The following KIRREL3 variants were observed in gnomAD, a reference collection of about 807,000 sequenced individuals.
KIRREL3 encodes the protein kin of IRRE-like protein 3.
A neutral mutation model predicts 89.7 loss-of-function variants in KIRREL3; 36 were observed. The ratio of observed to expected loss-of-function variants is 0.40; its 90% CI spans 0.31 to 0.53. KIRREL3 has a LOEUF of 0.53. Among genes scored for constraint, KIRREL3 ranks in the 20% least tolerant of loss-of-function variants. KIRREL3 has a pLI of 0.49. For synonymous variants in KIRREL3, 445 were observed against 441.4 expected (o/e 1.01, Z -0.10); for missense variants, 864 against 1,056.6 (o/e 0.82, Z 2.53).
Position 126,521,239 on chromosome 11 carries a change from C to T in KIRREL3, c.433+76G>A, listed in dbSNP as rs185193194. 5.5e-4 allele frequency: 784 copies of T among 1,423,370 alleles called. 3 individuals are homozygous for T. The African/African-American group carries it at 0.01, about 19-fold the overall frequency. The allele number at this position is 1,423,370 out of a possible 1,614,324, so 88.2% of individuals were successfully genotyped here. Reference sequence around the variant, plus strand: ...AGAGGGGAGTCTCCCCATGTCTGACCAAAAAAATACCCTCTTGGAGCTGAG... The same window carrying T: ...AGAGGGGAGTCTCCCCATGTCTGACTAAAAAAATACCCTCTTGGAGCTGAG... On this transcript the variant is annotated intron_variant, in intron 4 of 16. Transcript: ENST00000525144. This position sits in a 1 kb window ranked among gnomAD's most constrained non-coding sequence, Gnocchi z 4.1.
intron 1 of KIRREL3, among the ~76,000 whole-genome samples, chr11:126,781,847 T>C (rs935163142): frequency 3.9e-5 from 6 of 152,188 alleles, no homozygotes; most frequent in Admixed American, 3.9e-4. Context: ...ACCTTATTCA[T>C]TGGTAGAAAT....
Position 126,752,298 on chromosome 11 carries a change from C to A in KIRREL3, c.56-189386G>T, listed in dbSNP as rs1442649848. Reference sequence around the variant, plus strand: ...TGGGTTTTGAAACTATCATTAGGAACTTCCTCACTTTTGGATTTTGCAGAT... The same window carrying A: ...TGGGTTTTGAAACTATCATTAGGAAATTCCTCACTTTTGGATTTTGCAGAT... On this transcript the variant is annotated intron_variant, in intron 1 of 16. Transcript: ENST00000525144. The surrounding 1 kb of genome is among the most constrained non-coding windows in gnomAD (Gnocchi z 4.8). Among the ~76,000 whole-genome samples the A allele has an allele frequency of 6.6e-6, 1 of 152,138 alleles. No homozygotes were observed. The highest frequency in any genetic ancestry group is 1.9e-4 in the East Asian group (1 of 5,196).
rs1475223100 is a variant in KIRREL3 at position 126,612,027 on chromosome 11, T to C, written c.56-49115A>G. Among the ~76,000 whole-genome samples, 3 of 152,232 alleles carry C rather than the reference T, an allele frequency of 2.0e-5. No individual in the cohort carries two copies. Among genetic ancestry groups the C allele is most frequent in the Non-Finnish European group, 4.4e-5 (3 of 68,042 alleles). Reference sequence around the variant, plus strand: ...CAGTCAGCCCCTGTGCACTCTCATGTTACCTGTGCATCTCCTTCACAACTC... The same window carrying C: ...CAGTCAGCCCCTGTGCACTCTCATGCTACCTGTGCATCTCCTTCACAACTC... On this transcript the variant is annotated intron_variant, in intron 1 of 16. Coordinates refer to ENST00000525144, the MANE Select transcript of KIRREL3 (RefSeq NM_032531.4). This position sits in a 1 kb window ranked among gnomAD's most constrained non-coding sequence, Gnocchi z 4.5.
At chr11:126,478,786 T>G (rs1487776855) in intron 4 of KIRREL3, among the ~76,000 whole-genome samples, 1 of 152,136 alleles carries the variant, frequency 6.6e-6, no homozygotes, top group African/African-American at 2.4e-5. Flanking sequence ...TGTTTGTGTG[T>G]GTGCATGCAT....
chr11:126,654,791 ATTTTTT>A (rs137929793), intron 1 of KIRREL3, among the ~76,000 whole-genome samples: 6 of 151,706 alleles, frequency 4.0e-5, no homozygotes, highest in Admixed American at 3.9e-4. Flanking sequence ...TTCAACCATT[ATTTTTT>A]TTTATTTTTT....
rs1013511347 is a variant in KIRREL3, at chr11:126,989,433, G to A, written c.55+11022C>T. Among the ~76,000 whole-genome samples the A allele has an allele frequency of 6.6e-6, 1 of 152,096 alleles. No individual in the cohort carries two copies. The highest frequency in any genetic ancestry group is 1.5e-5 in the Non-Finnish European group (1 of 68,018). ...GAAGCTGCTGGGGTCTCAGCACACCGTATAGAAAATCCCTCCAGCAACTTC... is the reference window on the plus strand; with the variant it reads ...GAAGCTGCTGGGGTCTCAGCACACCATATAGAAAATCCCTCCAGCAACTTC... On this transcript the variant is annotated intron_variant, in intron 1 of 16. Transcript: ENST00000525144. The surrounding 1 kb of genome is among the most constrained non-coding windows in gnomAD (Gnocchi z 6.2).
chr11:126,596,582 G>A (rs1055039341), intron 1 of KIRREL3, among the ~76,000 whole-genome samples: 2 of 152,368 alleles, frequency 1.3e-5, no homozygotes, highest in African/African-American at 4.8e-5. Context: ...ACAGTGATCT[G>A]ATGTGGCTAG....
Position 126,854,410 on chromosome 11 carries a change from C to T in KIRREL3, c.55+146045G>A, listed in dbSNP as rs532799680. Among the ~76,000 whole-genome samples the T allele has an allele frequency of 1.0e-3, 154 of 152,244 alleles. 2 individuals are homozygous for T. Among genetic ancestry groups the T allele is most frequent in the African/African-American group, 3.4e-3 (141 of 41,546 alleles). The stretch of plus-strand genomic sequence containing the variant: ...CCCCATTACCTCCAGCCCCTGACAA[C>T]CACCTTCTACTTTGTCTCTATGAAT... On this transcript the variant is annotated intron_variant, in intron 1 of 16. Coordinates refer to ENST00000525144, the MANE Select transcript of KIRREL3 (RefSeq NM_032531.4).
chr11:126,584,867 C>A (rs558311480), intron 1 of KIRREL3, among the ~76,000 whole-genome samples: 3 of 152,274 alleles, frequency 2.0e-5, no homozygotes, highest in Admixed American at 1.3e-4. Context: ...ATCTGTAGAG[C>A]TCTCTGGAGT....
chr11:126,775,018 T>C (rs1469240968), intron 1 of KIRREL3, among the ~76,000 whole-genome samples: 3 of 152,056 alleles, frequency 2.0e-5, no homozygotes, highest in Non-Finnish European at 4.4e-5. Context: ...CTTAAGAAAA[T>C]AATAACAGAC....
intron 1 of KIRREL3, among the ~76,000 whole-genome samples, chr11:126,618,171 T>G (rs957546408): frequency 2.6e-5 from 4 of 152,206 alleles, no homozygotes; most frequent in Admixed American, 1.3e-4. Flanking sequence ...TCGCTTCTCC[T>G]ACAACTTCTG....
intron 1 of KIRREL3, among the ~76,000 whole-genome samples, chr11:126,923,211 T>TCC (rs1947490146): frequency 3.7e-4 from 6 of 16,262 alleles, no homozygotes; most frequent in African/African-American, 8.0e-4. Context: ...CTTCTTCTTC[T>TCC]TCTTCTTCTT....
In KIRREL3 at chr11:126,501,493, C is replaced by G. The variant is rs1957862353; in HGVS notation, c.433+19822G>C. The stretch of plus-strand genomic sequence containing the variant: ...ATTCTACCGCAGCCCGTCCTGGGTC[C>G]TGTTGATGTGCTACACATTGCAGGG... On this transcript the variant is annotated intron_variant, in intron 4 of 16. Coordinates refer to ENST00000525144, the MANE Select transcript of KIRREL3 (RefSeq NM_032531.4). The surrounding 1 kb of genome is among the most constrained non-coding windows in gnomAD (Gnocchi z 5.8). Among the ~76,000 whole-genome samples, 1 of 152,128 alleles carries G rather than the reference C, an allele frequency of 6.6e-6. No individual in the cohort carries two copies. The highest frequency in any genetic ancestry group is 1.5e-5 in the Non-Finnish European group (1 of 68,018).
rs1946311779 is a variant in KIRREL3, at chr11:126,900,007, T to G, written c.55+100448A>C. On this transcript the variant is annotated intron_variant, in intron 1 of 16. Coordinates refer to ENST00000525144, the MANE Select transcript of KIRREL3 (RefSeq NM_032531.4). The surrounding 1 kb of genome is among the most constrained non-coding windows in gnomAD (Gnocchi z 4.4). The stretch of plus-strand genomic sequence containing the variant: ...TAAGCAAATTTGGGATGAGGGGAAG[T>G]AACAAATAGTCATATTAATTGCATG... 6.6e-6 allele frequency among the ~76,000 whole-genome samples: 1 copy of G among 152,180 alleles called. No individual in the cohort carries two copies. Among genetic ancestry groups the G allele is most frequent in the East Asian group, 1.9e-4 (1 of 5,198 alleles).
At chr11:126,603,776 A>G (rs1325232890) in intron 1 of KIRREL3, among the ~76,000 whole-genome samples, 1 of 152,208 alleles carries the variant, frequency 6.6e-6, no homozygotes, top group Non-Finnish European at 1.5e-5. Context: ...GGATGCTGGT[A>G]GCTCCGGATT....
chr11:126,693,392 G>T (rs1017555939), intron 1 of KIRREL3, among the ~76,000 whole-genome samples: 6 of 152,200 alleles, frequency 3.9e-5, no homozygotes, highest in African/African-American at 1.4e-4. Context: ...TTGTACTCCA[G>T]CCTGGGTGAC....
Position 126,814,635 on chromosome 11 carries a change from G to A in KIRREL3, c.55+185820C>T, listed in dbSNP as rs1414309859. On this transcript the variant is annotated intron_variant, in intron 1 of 16. Coordinates refer to ENST00000525144, the MANE Select transcript of KIRREL3 (RefSeq NM_032531.4). The surrounding 1 kb of genome is among the most constrained non-coding windows in gnomAD (Gnocchi z 4.4). ...CCTTTGCAGGGACATGGATGGAGCT[G>A]GAAGCCATTATCCTCAGTAAACTAA... Among the ~76,000 whole-genome samples the A allele has an allele frequency of 6.6e-6, 1 of 152,172 alleles. No individual in the cohort carries two copies. The highest frequency in any genetic ancestry group is 1.5e-5 in the Non-Finnish European group (1 of 68,040).
At chr11:126,480,167 G>T (rs77242299) in intron 4 of KIRREL3, among the ~76,000 whole-genome samples, 4,042 of 152,252 alleles carry the variant, frequency 0.027, 172 homozygotes, top group African/African-American at 0.087. Context: ...ATCACTTTAT[G>T]AGCCATATGA....
chr11:126,644,747 C>T (rs1266799166), intron 1 of KIRREL3, among the ~76,000 whole-genome samples: 5 of 152,190 alleles, frequency 3.3e-5, no homozygotes, highest in South Asian at 2.1e-4. Context: ...TGAATTTATC[C>T]GTCTCCTATT....
Sources: gnomAD v4.1 joint callset for allele counts (sites outside exome capture counted in the v4.1 genomes callset) on GRCh38, gnomAD v4.1.1 for gene constraint, Gnocchi (gnomAD v3.1) non-coding constraint, MANE v1.5 for transcripts, NCBI Gene and HGNC (gene_info 2026-07-23, HGNC 2026-07-21) for gene names.